The following PABPC1L2B variants were observed in gnomAD, a reference collection of about 807,000 sequenced individuals.
The protein encoded by PABPC1L2B is polyadenylate-binding protein 1-like 2.
For synonymous variants in PABPC1L2B, 7 were observed against 7.1 expected, an observed-to-expected ratio of 0.99 and a Z score of 0.02; for missense variants, 5 against 16.4, an observed-to-expected ratio of 0.30 and a Z score of 1.20.
rs146386628 is a variant in PABPC1L2B, at chrX:73,005,386, T to C, written c.*1141T>C. On this transcript the variant is annotated 3_prime_UTR_variant, in exon 1 of 1. Coordinates refer to ENST00000373521, the MANE Select transcript of PABPC1L2B (RefSeq NM_001042506.2). ...GTGGTTTTGCTGCAATCAAACACTG[T>C]TTATTACCCCCTTCCCCTGTGCCCA... The C allele has an allele frequency of 5.0e-3, 615 of 122,559 alleles. 15 individuals carry two copies. In the East Asian group the frequency reaches 0.057, roughly 11 times the overall value. The allele number at this position is 122,559 out of a possible 1,213,427, so 10.1% of individuals were successfully genotyped here.
rs2055184200 is a variant in PABPC1L2B at position 73,005,544 on chromosome X, T to C, written c.*1299T>C. On this transcript the variant is annotated 3_prime_UTR_variant, in exon 1 of 1. Transcript: ENST00000373521. ...TCATTTCTGATGATTACTTATACAT[T>C]CCTGAAACATTTTCATCTGTATCTG... 1 of 123,152 alleles carries C rather than the reference T, an allele frequency of 8.1e-6. No individual in the cohort carries two copies. The highest frequency in any genetic ancestry group is 3.3e-5 in the African/African-American group (1 of 30,747). The allele number at this position is 123,152 out of a possible 1,213,427, so 10.1% of individuals were successfully genotyped here.
At position 73,006,040 on chromosome X, in the gene PABPC1L2B, A is replaced by G. The variant is rs1417288047; in HGVS notation, c.*1795A>G. On this transcript the variant is annotated 3_prime_UTR_variant, in exon 1 of 1. Coordinates refer to ENST00000373521, the MANE Select transcript of PABPC1L2B (RefSeq NM_001042506.2). ...CAATTTACCCTCATAAAATATGCAGATATTGTGAGTGTACCTGGATACCTG... is the reference window on the plus strand; with the variant it reads ...CAATTTACCCTCATAAAATATGCAGGTATTGTGAGTGTACCTGGATACCTG... Among the ~76,000 whole-genome samples, 1 of 111,832 alleles carries G rather than the reference A, an allele frequency of 8.9e-6. No individual in the cohort carries two copies. The highest frequency in any genetic ancestry group is 1.9e-5 in the Non-Finnish European group (1 of 53,121).
chrX:73,005,739 T>C lies in PABPC1L2B; in HGVS notation c.*1494T>C, dbSNP rs1287933054. The C allele has an allele frequency of 2.4e-5, 3 of 122,717 alleles. No homozygotes were observed. Among genetic ancestry groups the C allele is most frequent in the African/African-American group, 9.8e-5 (3 of 30,726 alleles). 10.1% of individuals were successfully genotyped at this position (122,717 alleles called of 1,213,427 possible). A position where few individuals can be genotyped will look rare whatever the true frequency, so the allele number is the denominator to read the frequency against. ...TTTTCATGGATGTTTAGTGCTCTAA[T>C]ATGTGATTGGGCTTCATAGAGTGAT... On this transcript the variant is annotated 3_prime_UTR_variant, in exon 1 of 1. Transcript: ENST00000373521.
rs2055184301 is a variant in PABPC1L2B, at chrX:73,005,561, C to G, written c.*1316C>G. The G allele has an allele frequency of 8.1e-6, 1 of 122,800 alleles. No individual in the cohort carries two copies. Among genetic ancestry groups the G allele is most frequent in the Non-Finnish European group, 1.9e-5 (1 of 53,204 alleles). 10.1% of individuals were successfully genotyped at this position (122,800 alleles called of 1,213,427 possible). A position where few individuals can be genotyped will look rare whatever the true frequency, so the allele number is the denominator to read the frequency against. On this transcript the variant is annotated 3_prime_UTR_variant, in exon 1 of 1. Coordinates refer to ENST00000373521, the MANE Select transcript of PABPC1L2B (RefSeq NM_001042506.2). ...TTATACATTCCTGAAACATTTTCAT[C>G]TGTATCTGCCCTGTATTTTTCATGT...
chrX:73,003,557 C>G lies in PABPC1L2B; in HGVS notation c.-86C>G. The G allele has an allele frequency of 2.9e-6, 1 of 339,784 alleles. No individual in the cohort carries two copies. Among genetic ancestry groups the G allele is most frequent in the Non-Finnish European group, 4.4e-6 (1 of 228,739 alleles). The allele number at this position is 339,784 out of a possible 1,213,427, so 28.0% of individuals were successfully genotyped here. On this transcript the variant is annotated 5_prime_UTR_variant, in exon 1 of 1. Coordinates refer to ENST00000373521, the MANE Select transcript of PABPC1L2B (RefSeq NM_001042506.2). ...AATGCGAAGGTGGCGGCCGAGGTGG[C>G]GGCCGAGGTGGCGGCTGCGGCGGCC... is the stretch of plus-strand genomic sequence containing the variant.
Position 73,006,037 on chromosome X carries a change from C to T in PABPC1L2B, c.*1792C>T, listed in dbSNP as rs782667330. Among the ~76,000 whole-genome samples the T allele has an allele frequency of 9.0e-6, 1 of 111,663 alleles. No individual in the cohort carries two copies. The highest frequency in any genetic ancestry group is 3.8e-4 in the South Asian group (1 of 2,662). On this transcript the variant is annotated 3_prime_UTR_variant, in exon 1 of 1. Transcript: ENST00000373521. Reference sequence around the variant, plus strand: ...TACCAATTTACCCTCATAAAATATGCAGATATTGTGAGTGTACCTGGATAC... The same window carrying T: ...TACCAATTTACCCTCATAAAATATGTAGATATTGTGAGTGTACCTGGATAC...
rs1224291293 is a variant in PABPC1L2B at position 73,005,473 on chromosome X, T to C, written c.*1228T>C. The C allele has an allele frequency of 8.1e-6, 1 of 122,946 alleles. No individual in the cohort carries two copies. Among genetic ancestry groups the C allele is most frequent in the Admixed American group, 9.6e-5 (1 of 10,465 alleles). 10.1% of individuals were successfully genotyped at this position (122,946 alleles called of 1,213,427 possible). A position where few individuals can be genotyped will look rare whatever the true frequency, so the allele number is the denominator to read the frequency against. ...CAGCGTCATTGCAGGAAAAAAATAATCACGAAGCAGACAAGTTAACAGAAG... is the reference window on the plus strand; with the variant it reads ...CAGCGTCATTGCAGGAAAAAAATAACCACGAAGCAGACAAGTTAACAGAAG... On this transcript the variant is annotated 3_prime_UTR_variant, in exon 1 of 1. Transcript: ENST00000373521.
Position 73,005,442 on chromosome X carries a change from A to G in PABPC1L2B, c.*1197A>G, listed in dbSNP as rs782039680. On this transcript the variant is annotated 3_prime_UTR_variant, in exon 1 of 1. Transcript: ENST00000373521. ...TGTCCTTTTCCCTGTTGTCAGAAAA[A>G]TAATTCAGCGTCATTGCAGGAAAAA... 6.3e-4 allele frequency: 78 copies of G among 122,974 alleles called. No homozygotes were observed. The highest frequency in any genetic ancestry group is 1.7e-3 in the East Asian group (6 of 3,562). 10.1% of individuals were successfully genotyped at this position (122,974 alleles called of 1,213,427 possible).
In PABPC1L2B at chrX:73,005,790, A is replaced by G; in HGVS notation, c.*1545A>G. The G allele has an allele frequency of 8.1e-6, 1 of 123,310 alleles. No individual in the cohort carries two copies. Among genetic ancestry groups the G allele is most frequent in the Non-Finnish European group, 1.9e-5 (1 of 53,452 alleles). The allele number at this position is 123,310 out of a possible 1,213,427, so 10.2% of individuals were successfully genotyped here. A position where few individuals can be genotyped will look rare whatever the true frequency, so the allele number is the denominator to read the frequency against. On this transcript the variant is annotated 3_prime_UTR_variant, in exon 1 of 1. Coordinates refer to ENST00000373521, the MANE Select transcript of PABPC1L2B (RefSeq NM_001042506.2). ...AGATATATATACATATTAGATATAGATATAGGGATATATTTGTTTTAAGTA... is the reference window on the plus strand; with the variant it reads ...AGATATATATACATATTAGATATAGGTATAGGGATATATTTGTTTTAAGTA...
In PABPC1L2B at chrX:73,003,473, A is replaced by T. The variant is rs1226017475; in HGVS notation, c.-170A>T. 13 of 294,666 alleles carry T rather than the reference A, an allele frequency of 4.4e-5. No homozygotes were observed. Among genetic ancestry groups the T allele is most frequent in the African/African-American group, 2.3e-4 (2 of 8,787 alleles). The allele number at this position is 294,666 out of a possible 1,213,427, so 24.3% of individuals were successfully genotyped here. A position where few individuals can be genotyped will look rare whatever the true frequency, so the allele number is the denominator to read the frequency against. The stretch of plus-strand genomic sequence containing the variant: ...GCGGCCGAAGCCGCCGCCGCAGCGG[A>T]GGCTGCGGGGCCCCCCTTGGGGGAG... On this transcript the variant is annotated 5_prime_UTR_variant, in exon 1 of 1. Transcript: ENST00000373521.
At position 73,003,585 on chromosome X, in the gene PABPC1L2B, C is replaced by T. The variant is rs1162477183; in HGVS notation, c.-58C>T. On this transcript the variant is annotated 5_prime_UTR_variant, in exon 1 of 1. Transcript: ENST00000373521. The stretch of plus-strand genomic sequence containing the variant: ...CCGAGGTGGCGGCTGCGGCGGCCGC[C>T]GCGGATGCAGATGCGGATGAGACCC... 6.5e-6 allele frequency: 2 copies of T among 309,420 alleles called. No individual in the cohort carries two copies. The highest frequency in any genetic ancestry group is 1.1e-4 in the African/African-American group (1 of 9,088). The allele number at this position is 309,420 out of a possible 1,213,427, so 25.5% of individuals were successfully genotyped here.
Position 73,005,292 on chromosome X carries a change from CGT to C in PABPC1L2B, c.*1056_*1057del, listed in dbSNP as rs1262027093. 2.5e-5 allele frequency: 3 copies of C among 122,137 alleles called. No homozygotes were observed. The highest frequency in any genetic ancestry group is 6.6e-5 in the African/African-American group (2 of 30,356). The allele number at this position is 122,137 out of a possible 1,213,427, so 10.1% of individuals were successfully genotyped here. ...GTGTGCGTGCGTGCGTGTGTGCATGCGTGTGTGTGTCTTTGTGTGTGTGTCTT... is the reference window on the plus strand; with the variant it reads ...GTGTGCGTGCGTGCGTGTGTGCATGCGTGTGTGTCTTTGTGTGTGTGTCTT... On this transcript the variant is annotated 3_prime_UTR_variant, in exon 1 of 1. Transcript: ENST00000373521.
At position 73,005,467 on chromosome X, in the gene PABPC1L2B, A is replaced by C. The variant is rs1321450494; in HGVS notation, c.*1222A>C. On this transcript the variant is annotated 3_prime_UTR_variant, in exon 1 of 1. Transcript: ENST00000373521. Reference sequence around the variant, plus strand: ...ATAATTCAGCGTCATTGCAGGAAAAAAATAATCACGAAGCAGACAAGTTAA... The same window carrying C: ...ATAATTCAGCGTCATTGCAGGAAAACAATAATCACGAAGCAGACAAGTTAA... 8.1e-6 allele frequency: 1 copy of C among 123,164 alleles called. No individual in the cohort carries two copies. Among genetic ancestry groups the C allele is most frequent in the Non-Finnish European group, 1.9e-5 (1 of 53,307 alleles). 10.2% of individuals were successfully genotyped at this position (123,164 alleles called of 1,213,427 possible).
rs1298476297 is a variant in PABPC1L2B at position 73,005,016 on chromosome X, A to G, written c.*771A>G. 2 of 76,732 alleles carry G rather than the reference A, an allele frequency of 2.6e-5. No individual in the cohort carries two copies. Among genetic ancestry groups the G allele is most frequent in the East Asian group, 4.4e-4 (1 of 2,295 alleles). 6.3% of individuals were successfully genotyped at this position (76,732 alleles called of 1,213,427 possible). On this transcript the variant is annotated 3_prime_UTR_variant, in exon 1 of 1. Coordinates refer to ENST00000373521, the MANE Select transcript of PABPC1L2B (RefSeq NM_001042506.2). ...TTCTTTCCCTGTGTTTAAGACCAAC[A>G]TTGCGTGCTCTGTGCTTTGATGAGT...
rs1556364737 is a variant in PABPC1L2B at position 73,005,877 on chromosome X, A to T, written c.*1632A>T. Among the ~76,000 whole-genome samples, 1 of 111,935 alleles carries T rather than the reference A, an allele frequency of 8.9e-6. No individual in the cohort carries two copies. The highest frequency in any genetic ancestry group is 1.9e-5 in the Non-Finnish European group (1 of 53,206). On this transcript the variant is annotated 3_prime_UTR_variant, in exon 1 of 1. Transcript: ENST00000373521. ...TATGCAAGCCAAAGCTGCCAACAAG[A>T]TCACAGTGCACAAACATTACATTCA...
At position 73,003,497 on chromosome X, in the gene PABPC1L2B, A is replaced by C; in HGVS notation, c.-146A>C. ...GAGGCTGCGGGGCCCCCCTTGGGGG[A>C]GGCGGAGGCGGATGCGGATGCGGAT... On this transcript the variant is annotated 5_prime_UTR_variant, in exon 1 of 1. Transcript: ENST00000373521. 3 of 790,001 alleles carry C rather than the reference A, an allele frequency of 3.8e-6. No individual in the cohort carries two copies. Among genetic ancestry groups the C allele is most frequent in the Non-Finnish European group, 4.7e-6 (3 of 633,878 alleles). 65.1% of individuals were successfully genotyped at this position (790,001 alleles called of 1,213,427 possible).
rs1006600665 is a variant in PABPC1L2B at position 73,005,638 on chromosome X, A to G, written c.*1393A>G. On this transcript the variant is annotated 3_prime_UTR_variant, in exon 1 of 1. Coordinates refer to ENST00000373521, the MANE Select transcript of PABPC1L2B (RefSeq NM_001042506.2). ...ACTGTTTCAATATCTGCTTTTTCACACAGAAATATATATTATAGACATAGA... is the reference window on the plus strand; with the variant it reads ...ACTGTTTCAATATCTGCTTTTTCACGCAGAAATATATATTATAGACATAGA... The G allele has an allele frequency of 1.6e-5, 2 of 123,239 alleles. No homozygotes were observed. The highest frequency in any genetic ancestry group is 2.8e-4 in the East Asian group (1 of 3,587). The allele number at this position is 123,239 out of a possible 1,213,427, so 10.2% of individuals were successfully genotyped here. A position where few individuals can be genotyped will look rare whatever the true frequency, so the allele number is the denominator to read the frequency against.
In PABPC1L2B at chrX:73,005,610, T is replaced by C. The variant is rs1343039866; in HGVS notation, c.*1365T>C. 1 of 123,266 alleles carries C rather than the reference T, an allele frequency of 8.1e-6. No homozygotes were observed. The highest frequency in any genetic ancestry group is 1.9e-5 in the Non-Finnish European group (1 of 53,321). 10.2% of individuals were successfully genotyped at this position (123,266 alleles called of 1,213,427 possible). A position where few individuals can be genotyped will look rare whatever the true frequency, so the allele number is the denominator to read the frequency against. On this transcript the variant is annotated 3_prime_UTR_variant, in exon 1 of 1. Coordinates refer to ENST00000373521, the MANE Select transcript of PABPC1L2B (RefSeq NM_001042506.2). ...GTGATATATATGTGAAATTATTGTA[T>C]ATACTGTTTCAATATCTGCTTTTTC...
In PABPC1L2B at chrX:73,005,956, G is replaced by T. The variant is rs2055186461; in HGVS notation, c.*1711G>T. Among the ~76,000 whole-genome samples, 1 of 111,590 alleles carries T rather than the reference G, an allele frequency of 9.0e-6. No individual in the cohort carries two copies. Among genetic ancestry groups the T allele is most frequent in the Non-Finnish European group, 1.9e-5 (1 of 53,085 alleles). ...TATAATTGAAGGATGAAAAGATATG[G>T]GAGGTTTAAAATCTTCTTTTTCCCT... On this transcript the variant is annotated 3_prime_UTR_variant, in exon 1 of 1. Coordinates refer to ENST00000373521, the MANE Select transcript of PABPC1L2B (RefSeq NM_001042506.2).
Sources: allele counts gnomAD v4.1 joint callset (sites outside exome capture counted in the v4.1 genomes callset), GRCh38; gene constraint gnomAD v4.1.1; transcripts MANE v1.5; gene names NCBI Gene and HGNC (gene_info 2026-07-23, HGNC 2026-07-21).